The following EML6 variants were observed in gnomAD, a reference collection of about 807,000 sequenced individuals.
EML6 encodes EMAP like 6, also known as echinoderm microtubule-associated protein-like 6.
In EML6, 154 loss-of-function variants were observed where a neutral mutation model predicts 240.1. The observed-to-expected ratio is 0.64, with a 90% CI of 0.56 to 0.73. The LOEUF (loss-of-function observed/expected upper bound fraction) is 0.73. Ranked by LOEUF, EML6 falls within the 30% of genes least tolerant of loss-of-function variation. The pLI, the probability that EML6 is intolerant of heterozygous loss-of-function variation, is 0.00. For missense variants in EML6, 2,964 were observed against 2,474.6 expected, an observed-to-expected ratio of 1.20 and a Z score of -4.20; for synonymous variants, 1,148 against 899.0, an observed-to-expected ratio of 1.28 and a Z score of -4.95.
In EML6 at chr2:54,866,883, G is replaced by A. The variant is rs1670998555; in HGVS notation, c.2050G>A (p.Gly684Ser). 2.6e-6 allele frequency: 4 copies of A among 1,542,398 alleles called. No homozygotes were observed. The highest frequency in any genetic ancestry group is 2.6e-6 in the Non-Finnish European group (3 of 1,138,830). Residue 684 changes from glycine to serine, a missense_variant and splice_region_variant, in exon 14 of 42, where the codon GGT becomes AGT. Gly to Ser is a moderately conservative substitution (Grantham distance 56, BLOSUM62 0). Coordinates refer to ENST00000356458, the MANE Select transcript of EML6 (RefSeq NM_001039753.4). ...EDSLKLQFIH[G>S]YRGYDCRNNL... The stretch of plus-strand genomic sequence containing the variant: ...CAGCTTGAAACTCCAGTTCATACAC[G>A]GGTGGGTGGCCTGTCATGGGCGCCC...
chr2:54,871,739 G>A (rs1426538870), intron 16 of EML6, 134 bp downstream of exon 16: 2 of 690,640 alleles, frequency 2.9e-6, no homozygotes, highest in Non-Finnish European at 5.2e-6. Context: ...TGTTTGTATT[G>A]AAGTACAAGC....
intron 2 of EML6, among the ~76,000 whole-genome samples, chr2:54,795,113 G>C (rs1669689021): frequency 6.6e-6 from 1 of 152,128 alleles, no homozygotes; most frequent in Non-Finnish European, 1.5e-5. Flanking sequence ...GCTTCTGGAG[G>C]ATATAAAATG....
chr2:54,959,409 G>A (rs902518041), intron 34 of EML6, 148 bp downstream of exon 34: 9 of 753,190 alleles, frequency 1.2e-5, no homozygotes, highest in Non-Finnish European at 1.9e-5. Flanking sequence ...CTCTCCAAGA[G>A]GGCCCTAAGT....
intron 22 of EML6, among the ~76,000 whole-genome samples, chr2:54,900,710 C>T (rs1167816172): frequency 2.0e-5 from 3 of 152,176 alleles, no homozygotes; most frequent in African/African-American, 7.2e-5. Context: ...TCCCCGTTGG[C>T]CAAAGTCAAC....
Position 54,774,044 on chromosome 2 carries a change from A to G in EML6, c.198-39188A>G, listed in dbSNP as rs186463973. ...AGCCAGCAGGAGGAGAAAGAGGGGC[A>G]CTGCTAAGAACACTTCCTGGAAGTT... On this transcript the variant is annotated intron_variant, in intron 2 of 41. Coordinates refer to ENST00000356458, the MANE Select transcript of EML6 (RefSeq NM_001039753.4). This position sits in a 1 kb window ranked among gnomAD's most constrained non-coding sequence, Gnocchi z 4.1. Among the ~76,000 whole-genome samples, 319 of 152,330 alleles carry G rather than the reference A, an allele frequency of 2.1e-3. 1 individual carries two copies. Among genetic ancestry groups the G allele is most frequent in the Middle Eastern group, 0.01 (3 of 294 alleles).
In EML6 at chr2:54,968,689, G is replaced by A. The variant is rs933526960; in HGVS notation, c.5773G>A (p.Gly1925Ser). Residue 1925 changes from glycine (G) to serine (S), a missense_variant, in exon 41 of 42, where the codon GGT becomes AGT. Gly to Ser is a moderately conservative substitution (Grantham distance 56). Coordinates refer to ENST00000356458, the MANE Select transcript of EML6 (RefSeq NM_001039753.4). Reference sequence around the variant, plus strand: ...ACAGGCCAAACATAAGCGATACTTCGGTCACTCGGCTCACGTGACGAACAT... The same window carrying A: ...ACAGGCCAAACATAAGCGATACTTCAGTCACTCGGCTCACGTGACGAACAT... ...EKFAKHKRYF[G>S]HSAHVTNIRF... 53 of 1,550,664 alleles carry A rather than the reference G, an allele frequency of 3.4e-5. No homozygotes were observed. The highest frequency in any genetic ancestry group is 1.7e-4 in the Middle Eastern group (1 of 6,014).
At chr2:54,948,157 C>T (rs1452176880) in intron 28 of EML6, among the ~76,000 whole-genome samples, 1 of 152,212 alleles carries the variant, frequency 6.6e-6, no homozygotes, top group Non-Finnish European at 1.5e-5. Context: ...TGGCGTACTC[C>T]TCTAGGATTC....
intron 4 of EML6, among the ~76,000 whole-genome samples, chr2:54,818,425 G>T (rs113191958): frequency 3.7e-4 from 56 of 152,326 alleles, no homozygotes; most frequent in Non-Finnish European, 6.2e-4. Context: ...GCCAATGGCA[G>T]GCTGCCATCT....
intron 2 of EML6, among the ~76,000 whole-genome samples, chr2:54,798,268 G>A (rs1403498893): frequency 6.6e-6 from 1 of 152,022 alleles, no homozygotes; most frequent in Admixed American, 6.6e-5. Flanking sequence ...TGCCTCCCGG[G>A]TTCAAGTGCT....
intron 22 of EML6, among the ~76,000 whole-genome samples, chr2:54,900,762 C>T (rs185923300): frequency 6.6e-6 from 1 of 152,294 alleles, no homozygotes; most frequent in Admixed American, 6.5e-5. Flanking sequence ...GCTCTCCATG[C>T]AGACCAGCTT....
intron 18 of EML6, 39 bp downstream of exon 18, chr2:54,891,193 C>CT (rs1558656033): frequency 1.9e-6 from 2 of 1,027,826 alleles, no homozygotes; most frequent in African/African-American, 3.2e-5. Flanking sequence ...TGATTGAGAG[C>CT]TTTACCCTAG....
intron 30 of EML6, among the ~76,000 whole-genome samples, chr2:54,951,515 A>G (rs1025714931): frequency 7.9e-5 from 12 of 151,610 alleles, no homozygotes; most frequent in African/African-American, 2.7e-4. Context: ...ATTGCACTCC[A>G]GCCTGAGCAA....
chr2:54,740,331 G>T (rs993833463), intron 2 of EML6, among the ~76,000 whole-genome samples: 4 of 152,142 alleles, frequency 2.6e-5, no homozygotes, highest in African/African-American at 9.7e-5. Flanking sequence ...CACAGGGGTA[G>T]GAGGCAAACC....
chr2:54,899,150 ATTGCATAAAT>A (rs917166823), intron 21 of EML6, among the ~76,000 whole-genome samples: 15 of 152,248 alleles, frequency 9.9e-5, no homozygotes, highest in Non-Finnish European at 2.2e-4. Flanking sequence ...AAGGACTAAA[ATTGCATAAAT>A]AATTAGAATA....
At chr2:54,790,244 A>T (rs189586553) in intron 2 of EML6, among the ~76,000 whole-genome samples, 2 of 152,320 alleles carry the variant, frequency 1.3e-5, no homozygotes, top group Admixed American at 6.5e-5. Context: ...GTGTATGGTG[A>T]CAATTCATCC....
chr2:54,877,083 A>G (rs898036506), intron 16 of EML6, among the ~76,000 whole-genome samples: 6 of 151,950 alleles, frequency 3.9e-5, no homozygotes, highest in African/African-American at 9.7e-5. Flanking sequence ...CCTGAGCTCA[A>G]TCGATCCTCC....
chr2:54,749,297 T>G (rs566320222), intron 2 of EML6, among the ~76,000 whole-genome samples: 5 of 152,304 alleles, frequency 3.3e-5, no homozygotes, highest in African/African-American at 1.2e-4. Context: ...AATGCCTACA[T>G]TTACACATGT....
chr2:54,965,807 C>T (rs1676723995), intron 38 of EML6, among the ~76,000 whole-genome samples: 1 of 152,198 alleles, frequency 6.6e-6, no homozygotes, highest in Non-Finnish European at 1.5e-5. Context: ...ATCTTGTAGC[C>T]TCCAGCTACA....
At chr2:54,827,497 T>C in intron 5 of EML6, 69 bp from the exon 6 acceptor site, 1 of 1,299,362 alleles carries the variant, frequency 7.7e-7, no homozygotes, top group Non-Finnish European at 1.1e-6. Flanking sequence ...CACTGAAGTA[T>C]AAATAAACAC....
Sources: gnomAD v4.1 joint callset for allele counts (sites outside exome capture counted in the v4.1 genomes callset) on GRCh38, gnomAD v4.1.1 for gene constraint, Gnocchi (gnomAD v3.1) non-coding constraint, MANE v1.5 for transcripts, NCBI Gene and HGNC (gene_info 2026-07-23, HGNC 2026-07-21) for gene names.